The following MYOCD variants were observed in gnomAD, a reference collection of about 807,000 sequenced individuals.
MYOCD encodes myocardin.
Under a neutral mutation model 96.1 loss-of-function variants are expected in MYOCD, and 32 were observed. The ratio of observed to expected loss-of-function variants is 0.33; its 90% confidence interval spans 0.25 to 0.45. The LOEUF (loss-of-function observed/expected upper bound fraction) is 0.45. Ranked by LOEUF, MYOCD falls within the 20% of genes least tolerant of loss-of-function variation. The pLI is 1.00. For synonymous variants in MYOCD, 469 were observed against 469.0 expected (o/e 1.00, Z 0.00); for missense variants, 1,133 against 1,200.6 (o/e 0.94, Z 0.83).
chr17:12,698,770 T>C (rs2030907793), intron 1 of MYOCD, among the ~76,000 whole-genome samples: 1 of 116,692 alleles, frequency 8.6e-6, no homozygotes, highest in Admixed American at 1.1e-4. Flanking sequence ...TGAGACAGAG[T>C]CTGGCTCTGT....
chr17:12,749,535 T>C (rs1052089399), intron 9 of MYOCD, among the ~76,000 whole-genome samples: 2 of 29,414 alleles, frequency 6.8e-5, no homozygotes, highest in African/African-American at 1.6e-4. Flanking sequence ...TCTCAAAACT[T>C]ATATATATAT....
intron 5 of MYOCD, among the ~76,000 whole-genome samples, chr17:12,727,171 A>G (rs1462449829): frequency 6.6e-6 from 1 of 152,226 alleles, no homozygotes; most frequent in Non-Finnish European, 1.5e-5. Context: ...TCTGTGACTA[A>G]TAAACAAAAG....
intron 2 of MYOCD, 178 bp downstream of exon 2, chr17:12,705,371 A>G (rs2031250608): frequency 5.8e-6 from 3 of 520,330 alleles, no homozygotes; most frequent in Admixed American, 3.8e-5. Flanking sequence ...CTACCTACTC[A>G]CCTGCAAGGG....
chr17:12,717,641 C>T (rs994659110), intron 4 of MYOCD, among the ~76,000 whole-genome samples: 3 of 152,210 alleles, frequency 2.0e-5, no homozygotes, highest in Non-Finnish European at 2.9e-5. Flanking sequence ...GGGCTCTAAT[C>T]TCAGCTGTGC....
intron 1 of MYOCD, among the ~76,000 whole-genome samples, chr17:12,692,005 T>C (rs190129285): frequency 6.6e-6 from 1 of 152,310 alleles, no homozygotes; most frequent in Non-Finnish European, 1.5e-5. Flanking sequence ...CTAGGAATTA[T>C]CAGCATGAGA....
chr17:12,672,356 A>T (rs992795014), intron 1 of MYOCD, among the ~76,000 whole-genome samples: 1 of 152,230 alleles, frequency 6.6e-6, no homozygotes, highest in Admixed American at 6.5e-5. Context: ...CATTAGCCCA[A>T]TAATAGTTTT....
At position 12,666,230 on chromosome 17, in the gene MYOCD, C is replaced by G. The variant is rs1435042772; in HGVS notation, c.42C>G (p.Ser14Arg). 1 of 1,612,618 alleles carries G rather than the reference C, an allele frequency of 6.2e-7. No homozygotes were observed. Among genetic ancestry groups the G allele is most frequent in the Non-Finnish European group, 8.5e-7 (1 of 1,178,672 alleles). ...CTGAGCATTCCTTGCTGATTAGGAG[C>G]AAGTTCAGATCAGGTAGGGCTAAGG... ...LGSEHSLLIR[S>R]KFRSVLQLRL... Residue 14 changes from serine to arginine, a missense_variant, in exon 1 of 14, where the codon AGC becomes AGG. Coordinates refer to ENST00000425538, the MANE Select transcript of MYOCD (RefSeq NM_001146312.3).
chr17:12,720,572 G>C (rs1201770537), intron 4 of MYOCD: 1 of 152,034 alleles, frequency 6.6e-6, no homozygotes, highest in East Asian at 1.9e-4. Flanking sequence ...TTAGGAAAAA[G>C]AGCAAAAATC....
At chr17:12,747,539 CAT>C (rs1340678567) in intron 9 of MYOCD, among the ~76,000 whole-genome samples, 2 of 151,954 alleles carry the variant, frequency 1.3e-5, no homozygotes, top group Non-Finnish European at 2.9e-5. Context: ...ATTTCAGACT[CAT>C]GTGCGACGTG....
At chr17:12,750,562 G>A (rs2032820923) in intron 9 of MYOCD, among the ~76,000 whole-genome samples, 1 of 152,120 alleles carries the variant, frequency 6.6e-6, no homozygotes, top group South Asian at 2.1e-4. Context: ...GGTGGTGCGT[G>A]CCTGTAATCC....
chr17:12,758,229 G>T lies in MYOCD; in HGVS notation c.2331+16G>T. On this transcript the variant is annotated intron_variant, in intron 12 of 13. Transcript: ENST00000425538. ...CGTAAAGCAGGTAACCATGTGATTT[G>T]TTCTTTATGGAAGAATAGACTGACT... 6.2e-7 allele frequency: 1 copy of T among 1,613,994 alleles called. No homozygotes were observed. Among genetic ancestry groups the T allele is most frequent in the Non-Finnish European group, 8.5e-7 (1 of 1,179,908 alleles).
chr17:12,763,783 A>G lies in MYOCD; in HGVS notation c.*139A>G. The G allele has an allele frequency of 1.3e-6, 1 of 758,756 alleles. No homozygotes were observed. Among genetic ancestry groups the G allele is most frequent in the East Asian group, 2.8e-5 (1 of 35,790 alleles). 47.0% of individuals were successfully genotyped at this position (758,756 alleles called of 1,614,324 possible). ...AGCAATGATTTCTGTGCCAATGAACAAGAACAAAAGTCATTTTTAGAAATA... is the reference window on the plus strand; with the variant it reads ...AGCAATGATTTCTGTGCCAATGAACGAGAACAAAAGTCATTTTTAGAAATA... On this transcript the variant is annotated 3_prime_UTR_variant, in exon 14 of 14. Coordinates refer to ENST00000425538, the MANE Select transcript of MYOCD (RefSeq NM_001146312.3).
At chr17:12,737,152 G>C (rs1325067739) in intron 6 of MYOCD, among the ~76,000 whole-genome samples, 1 of 152,160 alleles carries the variant, frequency 6.6e-6, no homozygotes, top group Admixed American at 6.5e-5. Flanking sequence ...CTACTTGGGA[G>C]GCTGAGGCAG....
chr17:12,755,053 A>G (rs11870798), intron 10 of MYOCD, among the ~76,000 whole-genome samples: 25,012 of 152,188 alleles, frequency 0.16, 2,843 homozygotes, highest in African/African-American at 0.31. Context: ...ATTTTTACAA[A>G]CCTACAGGAA....
chr17:12,697,369 T>C (rs1373706880), intron 1 of MYOCD, among the ~76,000 whole-genome samples: 2 of 125,864 alleles, frequency 1.6e-5, no homozygotes, highest in Non-Finnish European at 3.3e-5. Context: ...ATTTTTTTTT[T>C]TTTTTTTTTT....
chr17:12,743,324 C>T (rs770957539), intron 7 of MYOCD, among the ~76,000 whole-genome samples: 1 of 152,054 alleles, frequency 6.6e-6, no homozygotes, highest in Non-Finnish European at 1.5e-5. Flanking sequence ...GGGTGTTCAG[C>T]AGGCAGATAG....
chr17:12,717,209 T>C (rs2031673372), intron 3 of MYOCD, 137 bp from the exon 4 acceptor site: 7 of 641,712 alleles, frequency 1.1e-5, no homozygotes, highest in Non-Finnish European at 1.9e-5. Flanking sequence ...TTTGGAAATG[T>C]TCCTTCATCA....
chr17:12,680,111 T>C (rs1910361364), intron 1 of MYOCD, among the ~76,000 whole-genome samples: 1 of 152,234 alleles, frequency 6.6e-6, no homozygotes, highest in Non-Finnish European at 1.5e-5. Flanking sequence ...CGTAAACCTG[T>C]ATTCAAGAAC....
rs113085842 is a variant in MYOCD, at chr17:12,757,686, G to A, written c.2203-399G>A. On this transcript the variant is annotated intron_variant, in intron 11 of 13. Coordinates refer to ENST00000425538, the MANE Select transcript of MYOCD (RefSeq NM_001146312.3). ...ATTTTTTTATTTTTAGTGAGATGGG[G>A]TTTCACCATGTTGGCCAGGCTGCTC... is the stretch of plus-strand genomic sequence containing the variant. Among the ~76,000 whole-genome samples, 48 of 152,132 alleles carry A rather than the reference G, an allele frequency of 3.2e-4. 1 individual carries two copies. Among genetic ancestry groups the A allele is most frequent in the African/African-American group, 1.0e-3 (42 of 41,502 alleles).
Sources: allele counts gnomAD v4.1 joint callset (sites outside exome capture counted in the v4.1 genomes callset), GRCh38; gene constraint gnomAD v4.1.1; transcripts MANE v1.5; gene names NCBI Gene and HGNC (gene_info 2026-07-23, HGNC 2026-07-21).